Variants in PCDH9 observed in about 807,000 individuals in gnomAD.
PCDH9 encodes protocadherin-9.
In PCDH9, 24 loss-of-function variants were observed where a neutral mutation model predicts 70.6. The ratio of observed to expected loss-of-function variants is 0.34; its 90% confidence interval spans 0.25 to 0.48. The LOEUF (loss-of-function observed/expected upper bound fraction) is 0.48. Ranked by LOEUF, PCDH9 falls within the 20% of genes least tolerant of loss-of-function variation. The pLI, the probability that PCDH9 is intolerant of heterozygous loss-of-function variation, is 0.99. For synonymous variants in PCDH9, 562 were observed against 558.5 expected (o/e 1.01, Z -0.09); for missense variants, 1,281 against 1,503.6 (o/e 0.85, Z 2.45).
chr13:66,648,649 C>T (rs2077805927), intron 3 of PCDH9, among the ~76,000 whole-genome samples: 1 of 152,100 alleles, frequency 6.6e-6, no homozygotes, highest in African/African-American at 2.4e-5. Flanking sequence ...AAATACCTAA[C>T]TTTTCAATGC....
chr13:66,313,556 A>T (rs3012112), intron 4 of PCDH9, among the ~76,000 whole-genome samples: 152,324 of 152,324 alleles, frequency 1, 76,162 homozygotes, highest in Non-Finnish European at 1. Context: ...AGTGTTGCAA[A>T]AGCGAGCCTG....
intron 2 of PCDH9, among the ~76,000 whole-genome samples, chr13:67,067,534 T>C (rs1274704636): frequency 6.6e-6 from 1 of 152,060 alleles, no homozygotes; most frequent in African/African-American, 2.4e-5. Flanking sequence ...ACATACTTCA[T>C]TAGTGTGAAA....
At chr13:66,488,993 A>C (rs1958990816) in intron 4 of PCDH9, among the ~76,000 whole-genome samples, 1 of 152,202 alleles carries the variant, frequency 6.6e-6, no homozygotes, top group Non-Finnish European at 1.5e-5. Flanking sequence ...ATGTGTTCGT[A>C]TACACACAAA....
At chr13:66,575,099 G>A (rs2076794913) in intron 4 of PCDH9, among the ~76,000 whole-genome samples, 1 of 148,238 alleles carries the variant, frequency 6.7e-6, no homozygotes, top group African/African-American at 2.5e-5. Flanking sequence ...CTTGAACCTG[G>A]GAAGCAGAGG....
chr13:67,165,176 A>G (rs2088076467), intron 2 of PCDH9, among the ~76,000 whole-genome samples: 1 of 152,168 alleles, frequency 6.6e-6, no homozygotes, highest in Non-Finnish European at 1.5e-5. Flanking sequence ...TATTCACTTC[A>G]CTTTACTTTT....
chr13:67,148,316 T>C (rs2087573146), intron 2 of PCDH9, among the ~76,000 whole-genome samples: 1 of 152,124 alleles, frequency 6.6e-6, no homozygotes, highest in Non-Finnish European at 1.5e-5. Context: ...CATTTCTTTG[T>C]GTGAAGCAGC....
intron 4 of PCDH9, among the ~76,000 whole-genome samples, chr13:66,339,004 T>G (rs1441157825): frequency 1.3e-5 from 2 of 152,042 alleles, no homozygotes; most frequent in African/African-American, 4.8e-5. Context: ...CTTGGCAGTG[T>G]ATGATTTGAG....
intron 3 of PCDH9, among the ~76,000 whole-genome samples, chr13:66,771,731 AC>A (rs2139274845): frequency 6.6e-6 from 1 of 152,322 alleles, no homozygotes; most frequent in South Asian, 2.1e-4. Context: ...CTACCTATAT[AC>A]ATTAGGCAAA....
At chr13:66,512,386 TA>T (rs1959522642) in intron 4 of PCDH9, among the ~76,000 whole-genome samples, 1 of 151,556 alleles carries the variant, frequency 6.6e-6, no homozygotes, top group Non-Finnish European at 1.5e-5. Flanking sequence ...TTGTATTTTA[TA>T]AAATATGTTT....
chr13:66,736,350 C>G (rs982464247), intron 3 of PCDH9, among the ~76,000 whole-genome samples: 3 of 152,066 alleles, frequency 2.0e-5, no homozygotes, highest in African/African-American at 7.2e-5. Context: ...CTTGGTCACC[C>G]AAAGGGACAC....
At chr13:67,209,176 G>A (rs540515216) in intron 2 of PCDH9, 2 of 152,074 alleles carry the variant, frequency 1.3e-5, no homozygotes, top group Non-Finnish European at 2.9e-5. Flanking sequence ...CCATTACACA[G>A]AATGCCTCAC....
intron 4 of PCDH9, chr13:66,630,789 T>C (rs1566468482): frequency 6.5e-6 from 1 of 152,872 alleles, no homozygotes; most frequent in African/African-American, 2.4e-5. Context: ...ATTCTTTATT[T>C]GTTTTTGTAA....
At chr13:66,686,274 G>GT (rs1456407110) in intron 3 of PCDH9, among the ~76,000 whole-genome samples, 1 of 152,064 alleles carries the variant, frequency 6.6e-6, no homozygotes, top group Non-Finnish European at 1.5e-5. Flanking sequence ...ATTTCTGATG[G>GT]TTTTATACAG....
chr13:66,792,506 C>A (rs954375980), intron 3 of PCDH9, among the ~76,000 whole-genome samples: 1 of 151,980 alleles, frequency 6.6e-6, no homozygotes, highest in Non-Finnish European at 1.5e-5. Flanking sequence ...CCTGTCCCTA[C>A]TAAAAATACA....
intron 3 of PCDH9, among the ~76,000 whole-genome samples, chr13:66,676,302 A>G (rs1288209350): frequency 3.9e-5 from 6 of 152,144 alleles, no homozygotes; most frequent in Non-Finnish European, 8.8e-5. Context: ...CCCATCTTCT[A>G]CAAAAGAGAT....
chr13:66,869,753 C>T (rs1050716635), intron 3 of PCDH9, among the ~76,000 whole-genome samples: 8 of 152,082 alleles, frequency 5.3e-5, no homozygotes, highest in African/African-American at 1.7e-4. Flanking sequence ...AACAGCACCA[C>T]GTCAACCCCC....
chr13:66,859,420 C>G (rs946114998), intron 3 of PCDH9, among the ~76,000 whole-genome samples: 1 of 152,124 alleles, frequency 6.6e-6, no homozygotes, highest in African/African-American at 2.4e-5. Flanking sequence ...AGCTTACATA[C>G]AGTTCAAGGG....
chr13:66,931,827 G>A (rs1224403679), intron 2 of PCDH9, among the ~76,000 whole-genome samples: 2 of 151,928 alleles, frequency 1.3e-5, no homozygotes, highest in Non-Finnish European at 2.9e-5. Flanking sequence ...ATGACAATAT[G>A]GTTACCAATC....
chr13:66,860,171 T>C (rs546957408), intron 3 of PCDH9, among the ~76,000 whole-genome samples: 79 of 152,340 alleles, frequency 5.2e-4, no homozygotes, highest in African/African-American at 1.9e-3. Flanking sequence ...AAGCCTGTCC[T>C]GAGTGGCGTC....
Sources: gnomAD v4.1 joint callset for allele counts (sites outside exome capture counted in the v4.1 genomes callset) on GRCh38, gnomAD v4.1.1 for gene constraint, MANE v1.5 for transcripts, NCBI Gene and HGNC (gene_info 2026-07-23, HGNC 2026-07-21) for gene names.